GREB1: variants seen among roughly 807,000 people sequenced by gnomAD.
The protein encoded by GREB1 is growth regulating estrogen receptor binding 1, also known as protein GREB1.
GREB1 carries 106 observed loss-of-function variants against 200.7 expected under a neutral mutation model. That is an observed-to-expected ratio of 0.53 (90% confidence interval 0.45 to 0.62). GREB1 has a LOEUF of 0.62. GREB1 is among the 20% of genes least tolerant of loss of function. The pLI is 0.00. For synonymous variants in GREB1, 1,132 were observed against 1,092.4 expected, an observed-to-expected ratio of 1.04 and a Z score of -0.72; for missense variants, 2,243 against 2,556.8, an observed-to-expected ratio of 0.88 and a Z score of 2.65.
Position 11,618,667 on chromosome 2 carries a change from C to T in GREB1, c.3792C>T (p.Leu1264=), listed in dbSNP as rs562270590. 5.7e-5 allele frequency: 92 copies of T among 1,613,792 alleles called. 1 individual carries two copies. In the East Asian group the frequency reaches 1.6e-3, roughly 28 times the overall value. The change falls in exon 22 of 33, where the codon CTC becomes CTT. Residue 1264 remains leucine, a synonymous_variant. Coordinates refer to ENST00000381486, the MANE Select transcript of GREB1 (RefSeq NM_014668.4). The part of the protein sequence containing the change: ...RQPPIVFLPK[L]VYDMVVSTDS... ...CACCCATTGTCTTCTTGCCCAAGCT[C>T]GTGTACGACATGGTTGTGTCCACTG...
rs1157010530 is a variant in GREB1 at position 11,592,984 on chromosome 2, C to T, written c.1554C>T (p.Val518=). The T allele has an allele frequency of 3.7e-6, 6 of 1,607,650 alleles. No homozygotes were observed. Among genetic ancestry groups the T allele is most frequent in the Non-Finnish European group, 5.1e-6 (6 of 1,177,122 alleles). Residue 518 remains valine, a synonymous_variant, in exon 11 of 33, where the codon GTC becomes GTT. Coordinates refer to ENST00000381486, the MANE Select transcript of GREB1 (RefSeq NM_014668.4). ...AASSCNDSVH[V]IECAYSLAEG... ...GCTCCTGCAACGACAGCGTGCACGT[C>T]ATCGAGTGTGCTTACTCCCTGGCCG...
intron 1 of GREB1, among the ~76,000 whole-genome samples, chr2:11,508,894 G>T (rs10167377): frequency 9.1e-5 from 13 of 142,478 alleles, no homozygotes; most frequent in Admixed American, 2.1e-4. Flanking sequence ...TTTTTTTTCG[G>T]GACAGAGTCT....
chr2:11,588,476 C>T, intron 9 of GREB1: 1 of 478,768 alleles, frequency 2.1e-6, no homozygotes, highest in Non-Finnish European at 3.8e-6. Flanking sequence ...TCCCTCCAGC[C>T]CCCTCACTTG....
Position 11,548,650 on chromosome 2 carries a change from C to G in GREB1, c.-161-7804C>G, listed in dbSNP as rs1675522537. 6.6e-6 allele frequency among the ~76,000 whole-genome samples: 1 copy of G among 152,070 alleles called. No individual in the cohort carries two copies. Among genetic ancestry groups the G allele is most frequent in the Non-Finnish European group, 1.5e-5 (1 of 68,026 alleles). ...CTTCTTGGAGGCCTCCTTCCTGGAG[C>G]CTTCTGTCCCTGCTCCAGTGTGGAT... On this transcript the variant is annotated intron_variant, in intron 1 of 32. Transcript: ENST00000381486. This position sits in a 1 kb window ranked among gnomAD's most constrained non-coding sequence, Gnocchi z 5.1.
intron 1 of GREB1, among the ~76,000 whole-genome samples, chr2:11,508,984 C>T (rs10191928): frequency 0.97 from 140,452 of 145,278 alleles, 67,915 homozygotes; most frequent in South Asian, 0.99. Context: ...ACGCCATTCT[C>T]CTGCCTCAGC....
intron 1 of GREB1, among the ~76,000 whole-genome samples, chr2:11,500,583 A>G (rs1673009293): frequency 6.6e-6 from 1 of 152,142 alleles, no homozygotes; most frequent in South Asian, 2.1e-4. Flanking sequence ...TACATGCATG[A>G]GCCATTGGGC....
chr2:11,567,281 C>T (rs1200879054), intron 4 of GREB1, among the ~76,000 whole-genome samples: 1 of 152,154 alleles, frequency 6.6e-6, no homozygotes, highest in African/African-American at 2.4e-5. Flanking sequence ...TGCACCACCA[C>T]ATCCGGCTAA....
At position 11,611,123 on chromosome 2, in the gene GREB1, G is replaced by A. The variant is rs370107608; in HGVS notation, c.3006+96G>A. Reference sequence around the variant, plus strand: ...CAGGGAGTGTCACGAACCCCACAGCGTGGCCAACGTGGCTTCCCTAGACCC... The same window carrying A: ...CAGGGAGTGTCACGAACCCCACAGCATGGCCAACGTGGCTTCCCTAGACCC... On this transcript the variant is annotated intron_variant, in intron 18 of 32. Transcript: ENST00000381486. The A allele has an allele frequency of 4.8e-4, 499 of 1,032,070 alleles. 2 individuals are homozygous for A. In the African/African-American group the frequency reaches 6.9e-3, roughly 14 times the overall value. 63.9% of individuals were successfully genotyped at this position (1,032,070 alleles called of 1,614,324 possible). A position where few individuals can be genotyped will look rare whatever the true frequency, so the allele number is the denominator to read the frequency against.
chr2:11,535,563 C>A (rs1375983354), intron 1 of GREB1, among the ~76,000 whole-genome samples: 3 of 151,896 alleles, frequency 2.0e-5, no homozygotes, highest in Non-Finnish European at 2.9e-5. Context: ...CAGTGCCTGG[C>A]ACACAGGATG....
intron 1 of GREB1, among the ~76,000 whole-genome samples, chr2:11,549,410 G>A (rs1028394032): frequency 7.2e-5 from 11 of 152,184 alleles, no homozygotes; most frequent in Non-Finnish European, 1.3e-4. Context: ...ATGGTTAAAT[G>A]TATAAATAGG....
intron 11 of GREB1, among the ~76,000 whole-genome samples, chr2:11,593,753 GC>G (rs1230169153): frequency 6.6e-6 from 1 of 152,066 alleles, no homozygotes; most frequent in African/African-American, 2.4e-5. Flanking sequence ...ACAGGAGTGA[GC>G]CACCGTGCCC....
In GREB1 at chr2:11,633,126, T is replaced by A; in HGVS notation, c.4991+63T>A. Reference sequence around the variant, plus strand: ...CGAATGATGACCAACGAGTGTGCCCTCTTTGTATGGGGAATGTGCCCACCC... The same window carrying A: ...CGAATGATGACCAACGAGTGTGCCCACTTTGTATGGGGAATGTGCCCACCC... On this transcript the variant is annotated intron_variant, in intron 28 of 32. Transcript: ENST00000381486. This position sits in a 1 kb window ranked among gnomAD's most constrained non-coding sequence, Gnocchi z 4.1. The A allele has an allele frequency of 6.6e-7, 1 of 1,522,254 alleles. No homozygotes were observed. The highest frequency in any genetic ancestry group is 1.1e-5 in the South Asian group (1 of 88,198). The allele number at this position is 1,522,254 out of a possible 1,614,324, so 94.3% of individuals were successfully genotyped here.
chr2:11,564,510 C>T (rs1677419691), intron 3 of GREB1, among the ~76,000 whole-genome samples: 1 of 152,144 alleles, frequency 6.6e-6, no homozygotes, highest in African/African-American at 2.4e-5. Flanking sequence ...AAGACCCTAT[C>T]TCTTAAAAAA....
chr2:11,490,916 C>T (rs139454116), intron 1 of GREB1, among the ~76,000 whole-genome samples: 3 of 152,156 alleles, frequency 2.0e-5, no homozygotes, highest in Non-Finnish European at 4.4e-5. Context: ...CCTATGGGAA[C>T]TCTAAGTTAA....
chr2:11,528,661 A>G (rs1380781984), intron 1 of GREB1, among the ~76,000 whole-genome samples: 1 of 152,292 alleles, frequency 6.6e-6, no homozygotes, highest in Non-Finnish European at 1.5e-5. Context: ...TTACCAAGTT[A>G]TGCTTCATCT....
chr2:11,566,454 G>C (rs577450569), intron 3 of GREB1, 26 bp from the exon 4 acceptor site: 1 of 1,583,580 alleles, frequency 6.3e-7, no homozygotes, highest in South Asian at 1.2e-5. Flanking sequence ...CCTGGGCAGC[G>C]TGTGAACCCT....
rs370733043 is a variant in GREB1, at chr2:11,627,097, G to C, written c.4442G>C (p.Arg1481Pro). ...QCHQYMGFHP[R>P]YQLYESTLHA... is the part of the protein sequence containing the mutation. ...CACCAGTACATGGGCTTCCACCCCC[G>C]CTACCAGGTAGGCCCCAGCAGTTCC... The change falls in exon 25 of 33, where the codon CGC (arginine) becomes CCC (proline). Residue 1481 changes from arginine to proline, a missense_variant. By Grantham distance (103) the Arg-to-Pro change is moderately radical. Coordinates refer to ENST00000381486, the MANE Select transcript of GREB1 (RefSeq NM_014668.4). The C allele has an allele frequency of 7.2e-5, 115 of 1,593,874 alleles. No homozygotes were observed. Among genetic ancestry groups the C allele is most frequent in the Non-Finnish European group, 9.5e-5 (111 of 1,168,502 alleles).
chr2:11,484,212 G>GT (rs1672590421), intron 1 of GREB1, among the ~76,000 whole-genome samples: 1 of 152,176 alleles, frequency 6.6e-6, no homozygotes, highest in African/African-American at 2.4e-5. Flanking sequence ...GCAATCCATT[G>GT]TTTCCAGACC....
rs761611637 is a variant in GREB1, at chr2:11,625,187, A to G, written c.4181A>G (p.Gln1394Arg). The G allele has an allele frequency of 1.9e-6, 3 of 1,614,066 alleles. No homozygotes were observed. The East Asian group carries it at 6.7e-5, about 36-fold the overall frequency. ...LREESDWHYL[Q>R]LSDPWPDLEL... is the part of the protein sequence containing the mutation. ...GAAGAATCTGACTGGCATTATCTCC[A>G]GCTTAGCGACCCCTGGCCAGACCTG... The change falls in exon 24 of 33, where the codon CAG becomes CGG. Residue 1394 changes from glutamine to arginine, a missense_variant. Gln to Arg is a conservative substitution (Grantham distance 43). Coordinates refer to ENST00000381486, the MANE Select transcript of GREB1 (RefSeq NM_014668.4).
Sources: gnomAD v4.1 joint callset for allele counts (sites outside exome capture counted in the v4.1 genomes callset) on GRCh38, gnomAD v4.1.1 for gene constraint, Gnocchi (gnomAD v3.1) non-coding constraint, MANE v1.5 for transcripts, NCBI Gene and HGNC (gene_info 2026-07-23, HGNC 2026-07-21) for gene names.